The following IGF2BP2 variants were observed in gnomAD, a reference collection of about 807,000 sequenced individuals.
IGF2BP2 encodes the protein insulin-like growth factor 2 mRNA-binding protein 2.
A neutral mutation model predicts 75.8 loss-of-function variants in IGF2BP2; 17 were observed. The ratio of observed to expected loss-of-function variants is 0.22; its 90% CI spans 0.15 to 0.34. The LOEUF (loss-of-function observed/expected upper bound fraction) is 0.34, where lower values mean the gene tolerates loss of function less well. IGF2BP2 is among the 10% of genes least tolerant of loss of function. The pLI, the probability that IGF2BP2 is intolerant of heterozygous loss-of-function variation, is 1.00. For synonymous variants in IGF2BP2, 288 were observed against 295.6 expected (o/e 0.97, Z 0.26); for missense variants, 516 against 772.4 (o/e 0.67, Z 3.93).
chr3:185,756,537 T>C (rs1361392787), intron 2 of IGF2BP2, among the ~76,000 whole-genome samples: 1 of 152,206 alleles, frequency 6.6e-6, no homozygotes, highest in Admixed American at 6.5e-5. Flanking sequence ...TCTTTTTTTT[T>C]GGCTTCCTCA....
At chr3:185,817,939 A>C (rs886920538) in intron 2 of IGF2BP2, among the ~76,000 whole-genome samples, 2 of 152,236 alleles carry the variant, frequency 1.3e-5, no homozygotes, top group Non-Finnish European at 2.9e-5. Context: ...AAAGTTTTAG[A>C]GCATGAACTC....
intron 2 of IGF2BP2, among the ~76,000 whole-genome samples, chr3:185,822,065 G>T (rs1741443252): frequency 6.6e-6 from 1 of 151,608 alleles, no homozygotes; most frequent in Non-Finnish European, 1.5e-5. Context: ...GCAAACAAAA[G>T]TTATTCTGTT....
At chr3:185,736,750 G>A (rs1465159432) in intron 2 of IGF2BP2, among the ~76,000 whole-genome samples, 4 of 152,192 alleles carry the variant, frequency 2.6e-5, no homozygotes, top group African/African-American at 7.2e-5. Context: ...TAGGCTTCAC[G>A]GGCAGTCTCT....
chr3:185,716,466 C>A (rs1305165206), intron 2 of IGF2BP2: 1 of 517,540 alleles, frequency 1.9e-6, no homozygotes, highest in Non-Finnish European at 3.9e-6. Flanking sequence ...TCTCAGAGGT[C>A]TCTTCTTATG....
At chr3:185,780,024 G>A (rs184770681) in intron 2 of IGF2BP2, among the ~76,000 whole-genome samples, 123 of 152,308 alleles carry the variant, frequency 8.1e-4, no homozygotes, top group African/African-American at 2.9e-3. Context: ...AACCAGTACA[G>A]ACAGTAAACG....
chr3:185,784,743 T>C (rs1037980547), intron 2 of IGF2BP2, among the ~76,000 whole-genome samples: 1 of 151,896 alleles, frequency 6.6e-6, no homozygotes, highest in African/African-American at 2.4e-5. Flanking sequence ...CAAAGAAAAA[T>C]TGTAAGGAGA....
In IGF2BP2 at chr3:185,645,719, GA is replaced by G; in HGVS notation, c.1708-97del. Reference sequence around the variant, plus strand: ...AGGGGAGGCTCTGGGGCTTGGGGATGAAGGGTGGAATGCTCAGACAAGCATC... The same window carrying G: ...AGGGGAGGCTCTGGGGCTTGGGGATGAGGGTGGAATGCTCAGACAAGCATC... On this transcript the variant is annotated intron_variant, in intron 15 of 15. Transcript: ENST00000382199. This position sits in a 1 kb window ranked among gnomAD's most constrained non-coding sequence, Gnocchi z 4.9. 1.2e-6 allele frequency: 1 copy of G among 855,924 alleles called. No individual in the cohort carries two copies. Among genetic ancestry groups the G allele is most frequent in the Non-Finnish European group, 2.0e-6 (1 of 504,968 alleles). The allele number at this position is 855,924 out of a possible 1,614,324, so 53.0% of individuals were successfully genotyped here.
intron 2 of IGF2BP2, among the ~76,000 whole-genome samples, chr3:185,820,225 TATATACACATACACACACACACACAC>T (rs1560522559): frequency 2.1e-4 from 24 of 113,180 alleles, no homozygotes; most frequent in African/African-American, 1.0e-3. Flanking sequence ...TGTATGTGTA[TATATACACATACACACACACACACAC>T]ACACACACAC....
chr3:185,657,529 C>T (rs1560235884), intron 11 of IGF2BP2, 127 bp from the exon 12 acceptor site: 1 of 667,140 alleles, frequency 1.5e-6, no homozygotes, highest in East Asian at 2.6e-5. Context: ...AGGAAATGGC[C>T]AAAATGGTGC....
rs1346889384 is a variant in IGF2BP2, at chr3:185,687,197, G to A, written c.678-6C>T. The A allele has an allele frequency of 1.9e-6, 3 of 1,597,504 alleles. No individual in the cohort carries two copies. Among genetic ancestry groups the A allele is most frequent in the African/African-American group, 1.4e-5 (1 of 73,480 alleles). On this transcript the variant is annotated splice_region_variant and splice_polypyrimidine_tract_variant and intron_variant, in intron 6 of 15. Coordinates refer to ENST00000382199, the MANE Select transcript of IGF2BP2 (RefSeq NM_006548.6). ...CTTTTCTATGGATATCTACCCTGTA[G>A]GAAAAGAATCAGGAGCCATGATTAC...
intron 2 of IGF2BP2, among the ~76,000 whole-genome samples, chr3:185,727,713 G>A (rs1158132207): frequency 6.6e-6 from 1 of 152,132 alleles, no homozygotes; most frequent in African/African-American, 2.4e-5. Flanking sequence ...TAGATGGAGT[G>A]GAGGATAAAC....
chr3:185,760,031 AT>A (rs1253819193), intron 2 of IGF2BP2, among the ~76,000 whole-genome samples: 2 of 152,202 alleles, frequency 1.3e-5, no homozygotes, highest in African/African-American at 4.8e-5. Flanking sequence ...AAAGATAAGG[AT>A]TTTTTTAAAA....
intron 7 of IGF2BP2, 22 bp downstream of exon 7, chr3:185,687,035 T>C (rs756030204): frequency 1.2e-6 from 2 of 1,608,826 alleles, no homozygotes; most frequent in Non-Finnish European, 8.5e-7. Context: ...TTGAGTGATC[T>C]GGGCATTGCA....
chr3:185,692,971 C>G (rs1577992476), intron 4 of IGF2BP2, among the ~76,000 whole-genome samples: 1 of 152,178 alleles, frequency 6.6e-6, no homozygotes, highest in Non-Finnish European at 1.5e-5. Flanking sequence ...GTATGAACAA[C>G]TCAGAACTAT....
intron 12 of IGF2BP2, among the ~76,000 whole-genome samples, chr3:185,656,243 C>A (rs942104625): frequency 6.6e-6 from 1 of 152,244 alleles, no homozygotes; most frequent in African/African-American, 2.4e-5. Context: ...AGGCCGGGGT[C>A]TCACCTGCAG....
intron 6 of IGF2BP2, 76 bp downstream of exon 6, chr3:185,689,279 C>A: frequency 1.3e-6 from 2 of 1,488,416 alleles, no homozygotes; most frequent in Non-Finnish European, 1.8e-6. Context: ...GCAATTGTGA[C>A]CTAAGAGTGG....
At position 185,647,004 on chromosome 3, in the gene IGF2BP2, A is replaced by C. The variant is rs1415942134; in HGVS notation, c.1707+21T>G. On this transcript the variant is annotated intron_variant, in intron 15 of 15. Coordinates refer to ENST00000382199, the MANE Select transcript of IGF2BP2 (RefSeq NM_006548.6). The surrounding 1 kb of genome is among the most constrained non-coding windows in gnomAD (Gnocchi z 4.9). ...TTGAAAAGAGACTTGCAGGAGAGAC[A>C]GGGCCCTCACAGCACAGTACCTGGC... 1.2e-5 allele frequency: 19 copies of C among 1,521,680 alleles called. No individual in the cohort carries two copies. Among genetic ancestry groups the C allele is most frequent in the Non-Finnish European group, 1.6e-5 (18 of 1,096,042 alleles). 94.3% of individuals were successfully genotyped at this position (1,521,680 alleles called of 1,614,324 possible). A position where few individuals can be genotyped will look rare whatever the true frequency, so the allele number is the denominator to read the frequency against.
chr3:185,698,866 G>GTGCAA, intron 2 of IGF2BP2, among the ~76,000 whole-genome samples: 1 of 151,812 alleles, frequency 6.6e-6, no homozygotes, highest in East Asian at 2.0e-4. Flanking sequence ...CCAGGCTGGA[G>GTGCAA]TGCAGTGGTG....
intron 2 of IGF2BP2, among the ~76,000 whole-genome samples, chr3:185,752,605 T>G (rs1434647498): frequency 6.6e-6 from 1 of 152,154 alleles, no homozygotes; most frequent in Non-Finnish European, 1.5e-5. Flanking sequence ...CTTTTTTTTT[T>G]TGGAGACAGT....
Sources: allele counts gnomAD v4.1 joint callset (sites outside exome capture counted in the v4.1 genomes callset), GRCh38; gene constraint gnomAD v4.1.1; non-coding constraint Gnocchi (gnomAD v3.1); transcripts MANE v1.5; gene names NCBI Gene and HGNC (gene_info 2026-07-23, HGNC 2026-07-21).